The following LAMB4 variants were observed in gnomAD, a reference collection of about 807,000 sequenced individuals.
LAMB4 encodes laminin subunit beta-4.
In LAMB4, 196 loss-of-function variants were observed where a neutral mutation model predicts 199.2. The ratio of observed to expected loss-of-function variants is 0.98; its 90% confidence interval spans 0.88 to 1.11. The LOEUF is 1.11. Among genes scored for constraint, LAMB4 ranks in the 50% least tolerant of loss-of-function variants. The pLI is 0.00. For synonymous variants in LAMB4, 744 were observed against 770.6 expected (o/e 0.97, Z 0.57); for missense variants, 2,080 against 2,171.2 (o/e 0.96, Z 0.83).
chr7:108,106,359 A>C (rs1220272086), intron 7 of LAMB4, 150 bp downstream of exon 7: 6 of 618,742 alleles, frequency 9.7e-6, no homozygotes, highest in Non-Finnish European at 1.2e-5. Flanking sequence ...CGGAGGTTGC[A>C]GAGAGCTGAG....
chr7:108,069,579 G>GTATC, intron 18 of LAMB4, 129 bp downstream of exon 18: 2 of 772,536 alleles, frequency 2.6e-6, no homozygotes, highest in South Asian at 1.8e-5. Context: ...ACCACTCTGT[G>GTATC]TATCTAATCA....
At chr7:108,091,466 A>AT (rs1393188047) in intron 14 of LAMB4, among the ~76,000 whole-genome samples, 160 bp downstream of exon 14, 1 of 152,208 alleles carries the variant, frequency 6.6e-6, no homozygotes, top group Non-Finnish European at 1.5e-5. Context: ...TCAAGAGTTT[A>AT]TATAATCTGC....
At chr7:108,074,894 C>T (rs1374626112) in intron 17 of LAMB4, among the ~76,000 whole-genome samples, 1 of 152,064 alleles carries the variant, frequency 6.6e-6, no homozygotes, top group Admixed American at 6.6e-5. Context: ...AGTACAGCGT[C>T]AAGTGATAAT....
chr7:108,021,510 G>A (rs570209371), downstream of LAMB4, among the ~76,000 whole-genome samples: 9 of 152,288 alleles, frequency 5.9e-5, no homozygotes, highest in East Asian at 1.5e-3. Context: ...GGGAGTTTGA[G>A]ACCAGCCTGA....
intron 25 of LAMB4, among the ~76,000 whole-genome samples, chr7:108,054,374 T>C (rs1393635479): frequency 1.3e-5 from 2 of 152,360 alleles, no homozygotes; most frequent in East Asian, 1.9e-4. Flanking sequence ...AGGTGGGTGA[T>C]ACCTTCTTCC....
chr7:108,091,348 A>C (rs1350134799), intron 14 of LAMB4, among the ~76,000 whole-genome samples: 2 of 152,164 alleles, frequency 1.3e-5, no homozygotes, highest in East Asian at 3.9e-4. Flanking sequence ...ATACCTTGAA[A>C]CAGCAAAAGT....
At chr7:108,074,096 A>G (rs1184567106) in intron 17 of LAMB4, among the ~76,000 whole-genome samples, 1 of 152,144 alleles carries the variant, frequency 6.6e-6, no homozygotes, top group Admixed American at 6.5e-5. Context: ...AGTGGAGACC[A>G]CATCCTTGCT....
Position 108,042,979 on chromosome 7 carries a change from A to G in LAMB4, c.4471+773T>C, listed in dbSNP as rs868349292. On this transcript the variant is annotated intron_variant, in intron 29 of 33. Coordinates refer to ENST00000388781, the MANE Select transcript of LAMB4 (RefSeq NM_007356.3). ...TGTGTGTGTGTGTGTGTGTGTGTGTATGTGTACAGAGAGTAAGGTTTCAGG... is the reference window on the plus strand; with the variant it reads ...TGTGTGTGTGTGTGTGTGTGTGTGTGTGTGTACAGAGAGTAAGGTTTCAGG... 6.1e-3 allele frequency among the ~76,000 whole-genome samples: 537 copies of G among 87,606 alleles called. 1 individual carries two copies. The highest frequency in any genetic ancestry group is 0.027 in the East Asian group (101 of 3,786). The allele number at this position is 87,606 out of a possible 152,430, so 57.5% of individuals were successfully genotyped here.
At chr7:108,071,162 G>A (rs772449958) in intron 17 of LAMB4, among the ~76,000 whole-genome samples, 3 of 152,074 alleles carry the variant, frequency 2.0e-5, no homozygotes, top group South Asian at 2.1e-4. Context: ...CTCCTCAATC[G>A]TACATATTCC....
At chr7:108,016,940 G>C in the LAMB4 span, among the ~76,000 whole-genome samples, 14 of 152,308 alleles carry the variant, frequency 9.2e-5, no homozygotes, top group East Asian at 1.7e-3. Context: ...GTGAGATAAA[G>C]TGCAGCCAAC....
chr7:108,068,565 G>C (rs889988494), intron 18 of LAMB4, among the ~76,000 whole-genome samples: 1 of 152,200 alleles, frequency 6.6e-6, no homozygotes, highest in African/African-American at 2.4e-5. Context: ...TCAGGCTGGA[G>C]TGGTGTGATC....
chr7:108,020,604 A>C (rs1020195572), downstream of LAMB4, among the ~76,000 whole-genome samples: 1 of 152,128 alleles, frequency 6.6e-6, no homozygotes, highest in African/African-American at 2.4e-5. Flanking sequence ...ACTCACATTA[A>C]ATCCTCTTAG....
Position 108,043,910 on chromosome 7 carries a change from AAC to A in LAMB4, c.4327-16_4327-15del, listed in dbSNP as rs1189331624. On this transcript the variant is annotated splice_polypyrimidine_tract_variant and intron_variant, in intron 28 of 33. Transcript: ENST00000388781. ...TATACTTTCGATCTGGAATGAGAAA[AAC>A]ACAATGAAGAATACTCGACAATATA... 2 of 1,594,416 alleles carry A rather than the reference AAC, an allele frequency of 1.3e-6. No individual in the cohort carries two copies. Among genetic ancestry groups the A allele is most frequent in the East Asian group, 4.5e-5 (2 of 44,166 alleles).
At position 108,092,268 on chromosome 7, in the gene LAMB4, A is replaced by T. The variant is rs1338535732; in HGVS notation, c.1550+69T>A. Reference sequence around the variant, plus strand: ...ATGAAATTTTTCACCTATGACTATGAGCGTATCAGAATAAAATGTGCTTTT... The same window carrying T: ...ATGAAATTTTTCACCTATGACTATGTGCGTATCAGAATAAAATGTGCTTTT... On this transcript the variant is annotated intron_variant, in intron 13 of 33. Coordinates refer to ENST00000388781, the MANE Select transcript of LAMB4 (RefSeq NM_007356.3). The T allele has an allele frequency of 2.5e-6, 3 of 1,184,288 alleles. No individual in the cohort carries two copies. The East Asian group carries it at 7.1e-5, about 28-fold the overall frequency. 73.4% of individuals were successfully genotyped at this position (1,184,288 alleles called of 1,614,324 possible). A position where few individuals can be genotyped will look rare whatever the true frequency, so the allele number is the denominator to read the frequency against.
chr7:108,024,932 A>T (rs771239378), intron 33 of LAMB4, among the ~76,000 whole-genome samples: 12 of 152,260 alleles, frequency 7.9e-5, no homozygotes, highest in Non-Finnish European at 1.6e-4. Context: ...GAGTTTTTGC[A>T]AAACTTCTAA....
chr7:108,085,940 G>A (rs1220163333), intron 14 of LAMB4, among the ~76,000 whole-genome samples: 2 of 152,182 alleles, frequency 1.3e-5, no homozygotes, highest in African/African-American at 4.8e-5. Context: ...ACTGGGCCCT[G>A]CAGGTGGGTC....
chr7:108,095,207 A>C (rs764310633), intron 12 of LAMB4, 21 bp downstream of exon 12: 1 of 1,561,532 alleles, frequency 6.4e-7, no homozygotes, highest in Admixed American at 1.7e-5. Context: ...TAGAAAAGGG[A>C]AACTATAGGC....
intron 29 of LAMB4, among the ~76,000 whole-genome samples, chr7:108,042,977 G>T (rs1187907874): frequency 6.7e-6 from 1 of 149,628 alleles, no homozygotes; most frequent in South Asian, 2.1e-4. Context: ...GTGTGTGTGT[G>T]TATGTGTACA....
the LAMB4 span, among the ~76,000 whole-genome samples, chr7:108,011,674 C>A: frequency 1.3e-5 from 2 of 152,126 alleles, no homozygotes; most frequent in African/African-American, 4.8e-5. Flanking sequence ...CCGCCTCAGC[C>A]TCCCAAAGTG....
Sources: gnomAD v4.1 joint callset for allele counts (sites outside exome capture counted in the v4.1 genomes callset) on GRCh38, gnomAD v4.1.1 for gene constraint, MANE v1.5 for transcripts, NCBI Gene and HGNC (gene_info 2026-07-23, HGNC 2026-07-21) for gene names.